The following REEP3 variants were observed in gnomAD, a reference collection of about 807,000 sequenced individuals.
REEP3 encodes the protein receptor accessory protein 3.
Under a neutral mutation model 41.3 loss-of-function variants are expected in REEP3, and 20 were observed. The ratio of observed to expected loss-of-function variants is 0.48; its 90% confidence interval spans 0.34 to 0.70. REEP3 has a LOEUF of 0.70. Among genes scored for constraint, REEP3 ranks in the 30% least tolerant of loss-of-function variants. REEP3 has a pLI of 0.01. For synonymous variants in REEP3, 104 were observed against 101.8 expected (o/e 1.02, Z -0.13); for missense variants, 271 against 308.8 (o/e 0.88, Z 0.92).
intron 2 of REEP3, among the ~76,000 whole-genome samples, chr10:63,591,566 A>C (rs1163253792): frequency 6.6e-6 from 1 of 152,252 alleles, no homozygotes; most frequent in Non-Finnish European, 1.5e-5. Flanking sequence ...TTGGGTATTT[A>C]ACTAAAAGTT....
At chr10:63,568,822 AT>A (rs11310609) in intron 2 of REEP3, among the ~76,000 whole-genome samples, 146,813 of 149,102 alleles carry the variant, frequency 0.98, 72,316 homozygotes, top group Middle Eastern at 1. Flanking sequence ...TGCCCAGCTA[AT>A]TTTTTTTTTT....
intron 1 of REEP3, among the ~76,000 whole-genome samples, chr10:63,556,556 A>T (rs1446780549): frequency 6.6e-6 from 1 of 151,230 alleles, no homozygotes; most frequent in East Asian, 1.9e-4. Context: ...AATCATTTTT[A>T]AAATTGGTGG....
intron 6 of REEP3, among the ~76,000 whole-genome samples, chr10:63,611,805 C>A (rs1294503444): frequency 1.4e-5 from 2 of 147,626 alleles, no homozygotes. Flanking sequence ...TTTTTATTAG[C>A]TGAGTATGGT....
Position 63,610,182 on chromosome 10 carries a change from A to G in REEP3, c.418-5A>G. On this transcript the variant is annotated splice_polypyrimidine_tract_variant and splice_region_variant and intron_variant, in intron 5 of 7. Transcript: ENST00000373758. ...TCTTGGACCTATCACTTCTCTGTTA[A>G]ATAGAGCCAAGGAGCAATAACTGAA... 6.2e-7 allele frequency: 1 copy of G among 1,607,996 alleles called. No homozygotes were observed. The highest frequency in any genetic ancestry group is 1.3e-5 in the African/African-American group (1 of 74,904).
chr10:63,591,342 G>T (rs59066566), intron 2 of REEP3, among the ~76,000 whole-genome samples: 5,424 of 151,886 alleles, frequency 0.036, 317 homozygotes, highest in East Asian at 0.28. Flanking sequence ...ATAATACATG[G>T]TCATTGAATT....
chr10:63,583,106 C>T (rs748311124), intron 2 of REEP3, among the ~76,000 whole-genome samples: 1 of 152,146 alleles, frequency 6.6e-6, no homozygotes, highest in Non-Finnish European at 1.5e-5. Flanking sequence ...CTGCCTCAGC[C>T]TCTGCCTCCC....
chr10:63,612,669 C>T (rs1415333111), intron 6 of REEP3, among the ~76,000 whole-genome samples: 3 of 151,812 alleles, frequency 2.0e-5, no homozygotes, highest in African/African-American at 7.3e-5. Flanking sequence ...TGTATGCCTG[C>T]ATTCCCAGCT....
intron 1 of REEP3, among the ~76,000 whole-genome samples, chr10:63,525,153 G>A (rs1475929566): frequency 6.6e-6 from 1 of 152,216 alleles, no homozygotes; most frequent in African/African-American, 2.4e-5. Flanking sequence ...AAATGGTGTA[G>A]GAAGAAATAT....
rs1956367667 is a variant in REEP3 at position 63,623,074 on chromosome 10, T to A, written c.*2205T>A. ...CTTTAGTAAACTCATATTACTGTTC[T>A]AAATTGAAGAAATTATTTATTACTC... is the stretch of plus-strand genomic sequence containing the variant. On this transcript the variant is annotated 3_prime_UTR_variant, in exon 8 of 8. Coordinates refer to ENST00000373758, the MANE Select transcript of REEP3 (RefSeq NM_001001330.3). The A allele has an allele frequency of 6.6e-6, 1 of 152,268 alleles. No individual in the cohort carries two copies. Among genetic ancestry groups the A allele is most frequent in the African/African-American group, 2.4e-5 (1 of 41,472 alleles). 9.4% of individuals were successfully genotyped at this position (152,268 alleles called of 1,614,324 possible).
intron 1 of REEP3, among the ~76,000 whole-genome samples, chr10:63,564,645 T>C (rs957358243): frequency 6.6e-6 from 1 of 151,674 alleles, no homozygotes; most frequent in African/African-American, 2.4e-5. Flanking sequence ...AAATGCGCAT[T>C]AAAATAGCTA....
At chr10:63,525,989 G>T (rs1429181586) in intron 1 of REEP3, among the ~76,000 whole-genome samples, 3 of 152,146 alleles carry the variant, frequency 2.0e-5, no homozygotes, top group African/African-American at 7.2e-5. Context: ...CCAGCATCTG[G>T]CACATAGTAA....
chr10:63,559,232 AAATT>A (rs1955719170), intron 1 of REEP3, among the ~76,000 whole-genome samples: 1 of 152,200 alleles, frequency 6.6e-6, no homozygotes, highest in African/African-American at 2.4e-5. Flanking sequence ...GCTAGTTCAG[AAATT>A]AATTATTAAC....
intron 2 of REEP3, 73 bp from the exon 3 acceptor site, chr10:63,594,705 A>G: frequency 6.7e-6 from 6 of 893,294 alleles, no homozygotes; most frequent in Non-Finnish European, 1.1e-5. Flanking sequence ...AGAAATACAT[A>G]CATACATACA....
chr10:63,566,605 A>G (rs1955801819), intron 2 of REEP3, among the ~76,000 whole-genome samples, 195 bp downstream of exon 2: 1 of 152,234 alleles, frequency 6.6e-6, no homozygotes, highest in African/African-American at 2.4e-5. Flanking sequence ...AAATAAGTGT[A>G]TGGTTCCCAA....
At chr10:63,561,581 G>T (rs1313073692) in intron 1 of REEP3, among the ~76,000 whole-genome samples, 1 of 152,232 alleles carries the variant, frequency 6.6e-6, no homozygotes, top group African/African-American at 2.4e-5. Flanking sequence ...GGGGTGAAGA[G>T]GCCCGCTAGT....
intron 1 of REEP3, among the ~76,000 whole-genome samples, chr10:63,546,050 C>A (rs1375222966): frequency 6.6e-6 from 1 of 152,020 alleles, no homozygotes; most frequent in African/African-American, 2.4e-5. Context: ...TAAGTCAGGT[C>A]TGTACTCATC....
At chr10:63,589,642 G>A (rs1956039854) in intron 2 of REEP3, among the ~76,000 whole-genome samples, 1 of 152,070 alleles carries the variant, frequency 6.6e-6, no homozygotes, top group South Asian at 2.1e-4. Flanking sequence ...TTGCTCAGGG[G>A]CACGCCACTA....
chr10:63,537,616 A>G (rs984086365), intron 1 of REEP3, among the ~76,000 whole-genome samples: 1 of 152,230 alleles, frequency 6.6e-6, no homozygotes, highest in African/African-American at 2.4e-5. Flanking sequence ...AGATATCTAC[A>G]GTAACTAAAG....
At chr10:63,527,707 A>T (rs999018361) in intron 1 of REEP3, among the ~76,000 whole-genome samples, 5 of 152,072 alleles carry the variant, frequency 3.3e-5, no homozygotes, top group Middle Eastern at 3.4e-3. Flanking sequence ...TAATTTTTTT[A>T]AAAAAAGGAT....
Sources: gnomAD v4.1 joint callset for allele counts (sites outside exome capture counted in the v4.1 genomes callset) on GRCh38, gnomAD v4.1.1 for gene constraint, MANE v1.5 for transcripts, NCBI Gene and HGNC (gene_info 2026-07-23, HGNC 2026-07-21) for gene names.